Variants in DLG2 observed in about 807,000 individuals in gnomAD.
DLG2 encodes disks large homolog 2.
DLG2 carries 45 observed loss-of-function variants against 132.5 expected under a neutral mutation model. The ratio of observed to expected loss-of-function variants is 0.34; its 90% CI spans 0.27 to 0.44. The LOEUF is 0.44. Ranked by LOEUF, DLG2 falls within the 20% of genes least tolerant of loss-of-function variation. The probability of loss-of-function intolerance (pLI) is 1.00; values close to 1 mark genes in which losing one functional copy is unlikely to be tolerated. For synonymous variants in DLG2, 424 were observed against 419.6 expected, an observed-to-expected ratio of 1.01 and a Z score of -0.13; for missense variants, 1,045 against 1,196.9, an observed-to-expected ratio of 0.87 and a Z score of 1.87.
At chr11:84,901,441 A>G (rs180978825) in intron 6 of DLG2, among the ~76,000 whole-genome samples, 68 of 152,220 alleles carry the variant, frequency 4.5e-4, no homozygotes, top group African/African-American at 1.6e-3. Context: ...TTGAGCCCTG[A>G]TACCACACAT....
At chr11:83,996,858 G>A (rs1487455216) in intron 11 of DLG2, among the ~76,000 whole-genome samples, 1 of 152,090 alleles carries the variant, frequency 6.6e-6, no homozygotes. Context: ...GGGAAGTAGG[G>A]ATGGTTAATA....
At chr11:85,437,072 T>C (rs1465800904) in intron 3 of DLG2, among the ~76,000 whole-genome samples, 1 of 152,140 alleles carries the variant, frequency 6.6e-6, no homozygotes, top group Admixed American at 6.5e-5. Flanking sequence ...ACACAGTGTG[T>C]TCTCACTCAT....
chr11:84,821,530 G>C (rs2077673138), intron 6 of DLG2, among the ~76,000 whole-genome samples: 2 of 150,376 alleles, frequency 1.3e-5, no homozygotes, highest in Non-Finnish European at 3.0e-5. Context: ...CAATTTAGAA[G>C]TGTAAAGACA....
intron 6 of DLG2, among the ~76,000 whole-genome samples, chr11:84,673,237 C>T (rs539882276): frequency 6.6e-6 from 1 of 152,042 alleles, no homozygotes; most frequent in African/African-American, 2.4e-5. Context: ...CATGGAGCTG[C>T]CTTCCTCTAA....
intron 6 of DLG2, among the ~76,000 whole-genome samples, chr11:84,768,197 A>G (rs547028488): frequency 1.2e-4 from 18 of 152,354 alleles, no homozygotes; most frequent in African/African-American, 2.6e-4. Flanking sequence ...CAAATAGACG[A>G]TTCTTATCCT....
chr11:84,550,255 C>A (rs2099399317), intron 6 of DLG2, among the ~76,000 whole-genome samples: 1 of 152,118 alleles, frequency 6.6e-6, no homozygotes, highest in Non-Finnish European at 1.5e-5. Context: ...AGCATCCCTA[C>A]AGAACAGCAC....
At chr11:84,744,734 G>A (rs2065128543) in intron 6 of DLG2, among the ~76,000 whole-genome samples, 1 of 151,888 alleles carries the variant, frequency 6.6e-6, no homozygotes, top group Admixed American at 6.6e-5. Flanking sequence ...CCCACAGCTG[G>A]ATACAAATAC....
chr11:84,700,933 C>G (rs2059156967), intron 6 of DLG2, among the ~76,000 whole-genome samples: 1 of 151,614 alleles, frequency 6.6e-6, no homozygotes, highest in African/African-American at 2.4e-5. Flanking sequence ...ACTTAAACTT[C>G]CACCAAGACA....
intron 6 of DLG2, among the ~76,000 whole-genome samples, chr11:85,084,899 T>TAC (rs1566816459): frequency 6.6e-6 from 1 of 152,148 alleles, no homozygotes; most frequent in Non-Finnish European, 1.5e-5. Flanking sequence ...CTCAAAATGG[T>TAC]ATAAATTTTG....
chr11:85,161,622 T>C (rs1164680692), intron 4 of DLG2, among the ~76,000 whole-genome samples: 1 of 152,234 alleles, frequency 6.6e-6, no homozygotes. Flanking sequence ...ACAGTCATGG[T>C]ATTCCATATA....
chr11:84,665,660 G>T (rs931063751), intron 6 of DLG2, among the ~76,000 whole-genome samples: 4 of 152,002 alleles, frequency 2.6e-5, no homozygotes, highest in Admixed American at 2.6e-4. Context: ...TCTTCTATAA[G>T]GGCATAACAT....
At chr11:85,096,477 C>G (rs182009139) in intron 6 of DLG2, among the ~76,000 whole-genome samples, 1 of 151,802 alleles carries the variant, frequency 6.6e-6, no homozygotes, top group Admixed American at 6.6e-5. Context: ...CTGAAGTCAC[C>G]GAGACCACAA....
chr11:84,916,158 A>G (rs2092443497), intron 6 of DLG2, among the ~76,000 whole-genome samples: 1 of 151,610 alleles, frequency 6.6e-6, no homozygotes, highest in Non-Finnish European at 1.5e-5. Context: ...ATCCCGGCTA[A>G]AACGGTGAAA....
At chr11:83,870,681 A>T (rs2154063351) in intron 16 of DLG2, among the ~76,000 whole-genome samples, 1 of 152,248 alleles carries the variant, frequency 6.6e-6, no homozygotes, top group Non-Finnish European at 1.5e-5. Flanking sequence ...TTTTTCTGAG[A>T]AGAAGCTTCT....
rs35970331 is a variant in DLG2 at position 84,280,867 on chromosome 11, ATTTTTTT to A, written c.520-29583_520-29577del. On this transcript the variant is annotated intron_variant, in intron 7 of 27. Coordinates refer to ENST00000376104, the MANE Select transcript of DLG2 (RefSeq NM_001142699.3). ...AGGCGCCTGCCACCATGCCCAGCCA[ATTTTTTT>A]TTTTTTTTTTTTTTTTTTTTGTATT... 4.0e-4 allele frequency among the ~76,000 whole-genome samples: 27 copies of A among 67,700 alleles called. No individual in the cohort carries two copies. The East Asian group carries it at 4.5e-3, about 11-fold the overall frequency. The allele number at this position is 67,700 out of a possible 152,430, so 44.4% of individuals were successfully genotyped here. A position where few individuals can be genotyped will look rare whatever the true frequency, so the allele number is the denominator to read the frequency against.
chr11:83,729,502 G>C (rs2090602697), intron 18 of DLG2, among the ~76,000 whole-genome samples: 1 of 152,116 alleles, frequency 6.6e-6, no homozygotes, highest in Non-Finnish European at 1.5e-5. Flanking sequence ...TCCTCAGCTG[G>C]GTACTTAAAT....
intron 7 of DLG2, among the ~76,000 whole-genome samples, chr11:84,348,694 TAG>T (rs1186137254): frequency 6.6e-6 from 1 of 152,172 alleles, no homozygotes; most frequent in Non-Finnish European, 1.5e-5. Context: ...TACTTGGAAA[TAG>T]AGTCTTTGTA....
At chr11:84,118,694 G>A (rs983376303) in intron 9 of DLG2, among the ~76,000 whole-genome samples, 23 of 152,182 alleles carry the variant, frequency 1.5e-4, no homozygotes, top group Admixed American at 3.9e-4. Context: ...CATCCTTTCA[G>A]CAGCAGAAGC....
At chr11:84,060,816 C>CA (rs1393828933) in intron 10 of DLG2, among the ~76,000 whole-genome samples, 1 of 151,974 alleles carries the variant, frequency 6.6e-6, no homozygotes, top group Admixed American at 6.6e-5. Context: ...GCTTCTTTTC[C>CA]CCCACCACCA....
Sources: gnomAD v4.1 joint callset for allele counts (sites outside exome capture counted in the v4.1 genomes callset) on GRCh38, gnomAD v4.1.1 for gene constraint, MANE v1.5 for transcripts, NCBI Gene and HGNC (gene_info 2026-07-23, HGNC 2026-07-21) for gene names.